SDK1: variants seen among roughly 807,000 people sequenced by gnomAD.
SDK1 encodes sidekick cell adhesion molecule 1, also known as protein sidekick-1.
A neutral mutation model predicts 245.5 loss-of-function variants in SDK1; 157 were observed. The observed-to-expected ratio is 0.64, with a 90% CI of 0.56 to 0.73. The LOEUF is 0.73. Among genes scored for constraint, SDK1 ranks in the 30% least tolerant of loss-of-function variants. The probability of loss-of-function intolerance (pLI) is 0.00; values close to 1 mark genes in which losing one functional copy is unlikely to be tolerated. For missense variants in SDK1, 3,583 were observed against 3,002.3 expected (o/e 1.19, Z -4.52); for synonymous variants, 1,647 against 1,278.5 (o/e 1.29, Z -6.15).
chr7:3,678,334 A>G (rs1232097493), intron 4 of SDK1, among the ~76,000 whole-genome samples: 1 of 152,246 alleles, frequency 6.6e-6, no homozygotes, highest in Non-Finnish European at 1.5e-5. Context: ...TTATAGCAGC[A>G]TTATTCACAA....
At chr7:3,894,976 C>T (rs936533829) in intron 5 of SDK1, among the ~76,000 whole-genome samples, 2 of 152,076 alleles carry the variant, frequency 1.3e-5, no homozygotes, top group Non-Finnish European at 2.9e-5. Context: ...CCACTGAGCC[C>T]TGCCAAGACT....
chr7:4,080,395 G>A (rs1554334295), intron 22 of SDK1, among the ~76,000 whole-genome samples: 1 of 152,090 alleles, frequency 6.6e-6, no homozygotes, highest in Non-Finnish European at 1.5e-5. Context: ...AAGATAAAGG[G>A]CCAAATTATG....
chr7:4,237,704 C>T lies in SDK1; in HGVS notation c.6050C>T (p.Ser2017Phe). The T allele has an allele frequency of 3.7e-6, 6 of 1,614,122 alleles. No homozygotes were observed. Among genetic ancestry groups the T allele is most frequent in the Non-Finnish European group, 4.2e-6 (5 of 1,180,004 alleles). ...TGGTTCCTCCTGGTGATGGCTCTGTCCAGCCTGATCGTCATCCTGCTGGTG... is the reference window on the plus strand; with the variant it reads ...TGGTTCCTCCTGGTGATGGCTCTGTTCAGCCTGATCGTCATCCTGCTGGTG... ...EWWFLLVMAL[S>F]SLIVILLVVF... Residue 2017 changes from serine to phenylalanine, a missense_variant, in exon 42 of 45, where the codon TCC (serine) becomes TTC (phenylalanine). Transcript: ENST00000404826.
intron 5 of SDK1, among the ~76,000 whole-genome samples, chr7:3,887,211 C>G (rs891938524): frequency 6.6e-6 from 1 of 152,100 alleles, no homozygotes; most frequent in Non-Finnish European, 1.5e-5. Flanking sequence ...CTATCTGAAG[C>G]TCAGCAGTAG....
intron 1 of SDK1, among the ~76,000 whole-genome samples, chr7:3,517,587 A>G (rs1349986201): frequency 1.3e-5 from 2 of 152,156 alleles, no homozygotes; most frequent in African/African-American, 4.8e-5. Flanking sequence ...ATCACTTTTC[A>G]TGACTTGCAG....
intron 8 of SDK1, 21 bp downstream of exon 8, chr7:3,959,035 G>T: frequency 6.4e-7 from 1 of 1,570,412 alleles, no homozygotes; most frequent in Non-Finnish European, 8.8e-7. Context: ...AGTGGCTGCT[G>T]GACAAGGAGC....
At chr7:3,800,358 C>CTTATTTATTTATTTAT (rs1204200723) in intron 4 of SDK1, among the ~76,000 whole-genome samples, 1 of 147,530 alleles carries the variant, frequency 6.8e-6, no homozygotes, top group African/African-American at 2.6e-5. Flanking sequence ...CTTTTACTTA[C>CTTATTTATTTATTTAT]TTACTTACTT....
chr7:3,675,363 G>A (rs943634931), intron 4 of SDK1, among the ~76,000 whole-genome samples: 1 of 152,086 alleles, frequency 6.6e-6, no homozygotes, highest in Non-Finnish European at 1.5e-5. Context: ...TCTGGTCTGT[G>A]GTCTAGTCTT....
chr7:3,574,089 TGA>T (rs1780206560), intron 1 of SDK1, among the ~76,000 whole-genome samples: 1 of 151,976 alleles, frequency 6.6e-6, no homozygotes, highest in Non-Finnish European at 1.5e-5. Context: ...CTATCCTTCC[TGA>T]TCAGACTAGA....
intron 1 of SDK1, among the ~76,000 whole-genome samples, chr7:3,409,905 A>C (rs1779153543): frequency 6.6e-6 from 1 of 152,144 alleles, no homozygotes; most frequent in Non-Finnish European, 1.5e-5. Flanking sequence ...TGTATATTTG[A>C]GAGTGACAGC....
chr7:4,177,299 A>G (rs627950), intron 34 of SDK1, among the ~76,000 whole-genome samples: 96,890 of 152,076 alleles, frequency 0.64, 31,321 homozygotes, highest in East Asian at 0.73. Flanking sequence ...AGGCACACAC[A>G]TGGGACCTCG....
chr7:3,546,485 T>C (rs1441743636), intron 1 of SDK1, among the ~76,000 whole-genome samples: 1 of 152,220 alleles, frequency 6.6e-6, no homozygotes, highest in Non-Finnish European at 1.5e-5. Context: ...AGATTGAGAA[T>C]CATGGACACT....
intron 4 of SDK1, among the ~76,000 whole-genome samples, chr7:3,645,583 A>G (rs903333049): frequency 2.6e-5 from 4 of 152,240 alleles, no homozygotes; most frequent in African/African-American, 9.6e-5. Context: ...AACTATGTAC[A>G]TCTATTATGC....
chr7:3,670,814 A>C (rs1050778547), intron 4 of SDK1, among the ~76,000 whole-genome samples: 2 of 152,120 alleles, frequency 1.3e-5, no homozygotes, highest in African/African-American at 2.4e-5. Context: ...ATCAGTTAAC[A>C]TTTACTGTTT....
chr7:3,994,065 G>C (rs67927903), intron 14 of SDK1, among the ~76,000 whole-genome samples: 14,632 of 151,978 alleles, frequency 0.096, 782 homozygotes, highest in South Asian at 0.13. Context: ...TTCCCCTCCT[G>C]CCCCTAAAAT....
intron 5 of SDK1, among the ~76,000 whole-genome samples, chr7:3,846,304 A>G (rs77361202): frequency 2.8e-4 from 42 of 152,336 alleles, no homozygotes; most frequent in African/African-American, 1.0e-3. Flanking sequence ...CCTATAAATT[A>G]TGTTTATTGC....
intron 16 of SDK1, among the ~76,000 whole-genome samples, chr7:4,016,574 T>G (rs1384910037): frequency 6.6e-6 from 1 of 152,244 alleles, no homozygotes; most frequent in Non-Finnish European, 1.5e-5. Context: ...TTTCCACCTT[T>G]AGTATGCTAA....
intron 1 of SDK1, among the ~76,000 whole-genome samples, chr7:3,469,664 C>T (rs775232102): frequency 8.5e-5 from 13 of 152,272 alleles, no homozygotes; most frequent in South Asian, 2.1e-4. Flanking sequence ...CTCCATCTAA[C>T]GTCTAGTTAC....
At chr7:4,091,755 C>T (rs1428873707) in intron 22 of SDK1, among the ~76,000 whole-genome samples, 2 of 151,846 alleles carry the variant, frequency 1.3e-5, no homozygotes, top group East Asian at 1.9e-4. Context: ...CAGCCTTCTA[C>T]AGACTCAAGC....
Sources: gnomAD v4.1 joint callset for allele counts (sites outside exome capture counted in the v4.1 genomes callset) on GRCh38, gnomAD v4.1.1 for gene constraint, MANE v1.5 for transcripts, NCBI Gene and HGNC (gene_info 2026-07-23, HGNC 2026-07-21) for gene names.